The following USF3 variants were observed in gnomAD, a reference collection of about 807,000 sequenced individuals.
USF3 encodes the protein upstream transcription factor family member 3, also known as basic helix-loop-helix domain-containing protein USF3.
Under a neutral mutation model 157.5 loss-of-function variants are expected in USF3, and 29 were observed. The ratio of observed to expected loss-of-function variants is 0.18; its 90% CI spans 0.14 to 0.25. USF3 has a LOEUF of 0.25. Ranked by LOEUF, USF3 falls within the 10% of genes least tolerant of loss-of-function variation. The pLI is 1.00. For missense variants in USF3, 2,381 were observed against 2,667.6 expected, an observed-to-expected ratio of 0.89 and a Z score of 2.37; for synonymous variants, 893 against 941.4, an observed-to-expected ratio of 0.95 and a Z score of 0.94.
In USF3 at chr3:113,649,378, C is replaced by T. The variant is rs1288304663; in HGVS notation, c.*5566G>A. ...AAGTTGGCTCACGTTTATGAAGCAT[C>T]TGACCACATACGCGTGCCAGAAAAA... is the stretch of plus-strand genomic sequence containing the variant. On this transcript the variant is annotated 3_prime_UTR_variant, in exon 7 of 7. Coordinates refer to ENST00000316407, the MANE Select transcript of USF3 (RefSeq NM_001009899.4). 1 of 155,052 alleles carries T rather than the reference C, an allele frequency of 6.4e-6. No individual in the cohort carries two copies. The highest frequency in any genetic ancestry group is 2.4e-5 in the African/African-American group (1 of 41,558). 9.6% of individuals were successfully genotyped at this position (155,052 alleles called of 1,614,324 possible).
Position 113,656,550 on chromosome 3 carries a change from C to T in USF3, c.5132G>A (p.Ser1711Asn). ...RSYLDVPRNK[S>N]LAIHNMQGRV... ...ACCCTGCATATTATGAATAGCCAAA[C>T]TCTTATTTCTGGGAACATCAAGATA... is the stretch of plus-strand genomic sequence containing the variant. Residue 1711 changes from serine (S) to asparagine (N), a missense_variant, in exon 7 of 7, where the codon AGT becomes AAT. This residue lies in a region of USF3 where 770 missense variants were observed against 824.2 expected (regional missense o/e 0.93). Transcript: ENST00000316407. 2 of 1,614,204 alleles carry T rather than the reference C, an allele frequency of 1.2e-6. No individual in the cohort carries two copies. Among genetic ancestry groups the T allele is most frequent in the East Asian group, 2.2e-5 (1 of 44,886 alleles).
chr3:113,658,385 T>G lies in USF3; in HGVS notation c.3297A>C (p.Ser1099=). 1 of 1,614,170 alleles carries G rather than the reference T, an allele frequency of 6.2e-7. No individual in the cohort carries two copies. The highest frequency in any genetic ancestry group is 1.1e-5 in the South Asian group (1 of 91,084). ...STSSGSSRSF[S]VASMLPETTR... ...TTGTTTCAGGAAGCATGGATGCAACTGAGAAACTACGACTACTGCCAGAGC... is the reference window on the plus strand; with the variant it reads ...TTGTTTCAGGAAGCATGGATGCAACGGAGAAACTACGACTACTGCCAGAGC... Residue 1099 remains serine, a synonymous_variant, in exon 7 of 7, where the codon TCA becomes TCC. Transcript: ENST00000316407.
At chr3:113,694,775 C>A (rs1396781240) in intron 1 of USF3, among the ~76,000 whole-genome samples, 2 of 152,208 alleles carry the variant, frequency 1.3e-5, no homozygotes, top group African/African-American at 4.8e-5. Flanking sequence ...CCGGGCGCAG[C>A]GGCTCATGCC....
At chr3:113,689,889 T>C (rs1279440840) in intron 1 of USF3, among the ~76,000 whole-genome samples, 1 of 152,234 alleles carries the variant, frequency 6.6e-6, no homozygotes, top group African/African-American at 2.4e-5. Context: ...CATGAACGCT[T>C]TTCTTTCTCC....
chr3:113,695,137 G>T (rs775213076), intron 1 of USF3, among the ~76,000 whole-genome samples: 10 of 152,218 alleles, frequency 6.6e-5, no homozygotes, highest in Non-Finnish European at 1.2e-4. Flanking sequence ...GCTTGGCTTA[G>T]GCTAAAGCAA....
At position 113,660,308 on chromosome 3, in the gene USF3, T is replaced by C. The variant is rs769425998; in HGVS notation, c.1374A>G (p.Leu458=). ...QTPSSAVTPV[L]NESGTSPTTS... is the part of the protein sequence containing the mutation. ...TGGTGGGGCTAGTACCAGACTCATT[T>C]AATACTGGAGTCACAGCAGAAGATG... is the stretch of plus-strand genomic sequence containing the variant. Residue 458 remains leucine (L), a synonymous_variant, in exon 7 of 7, where the codon TTA becomes TTG. Transcript: ENST00000316407. 3.7e-6 allele frequency: 6 copies of C among 1,614,218 alleles called. No homozygotes were observed. Among genetic ancestry groups the C allele is most frequent in the Non-Finnish European group, 5.1e-6 (6 of 1,180,030 alleles).
Position 113,660,446 on chromosome 3 carries a change from T to C in USF3, c.1236A>G (p.Ser412=). The change falls in exon 7 of 7, where the codon TCA becomes TCG. Residue 412 remains serine (S), a synonymous_variant. Coordinates refer to ENST00000316407, the MANE Select transcript of USF3 (RefSeq NM_001009899.4). Reference sequence around the variant, plus strand: ...TAAGGCTATTAATGTTTTTCAAATCTGAAGTACTAACACTTGAAGAAGGCA... The same window carrying C: ...TAAGGCTATTAATGTTTTTCAAATCCGAAGTACTAACACTTGAAGAAGGCA... The part of the protein sequence containing the change: ...CSLPSSSVST[S]DLKNINSLTR... 6 of 1,614,204 alleles carry C rather than the reference T, an allele frequency of 3.7e-6. No individual in the cohort carries two copies. The highest frequency in any genetic ancestry group is 5.1e-6 in the Non-Finnish European group (6 of 1,180,036).
At chr3:113,693,324 G>GAGGC (rs1389657363) in intron 1 of USF3, among the ~76,000 whole-genome samples, 1 of 152,168 alleles carries the variant, frequency 6.6e-6, no homozygotes, top group Non-Finnish European at 1.5e-5. Context: ...GCTCAACATG[G>GAGGC]AGGCCCTGGT....
chr3:113,687,708 A>G (rs1707589116), intron 1 of USF3, among the ~76,000 whole-genome samples: 1 of 152,090 alleles, frequency 6.6e-6, no homozygotes, highest in Admixed American at 6.5e-5. Flanking sequence ...AATTTCCTCA[A>G]CTCTAATAAC....
At chr3:113,663,460 G>A (rs754721774) in intron 6 of USF3, among the ~76,000 whole-genome samples, 1 of 152,166 alleles carries the variant, frequency 6.6e-6, no homozygotes, top group Non-Finnish European at 1.5e-5. Context: ...TAGGTGAGGG[G>A]GGGAAGCTGC....
Position 113,693,637 on chromosome 3 carries a change from A to T in USF3, c.-135+2733T>A, listed in dbSNP as rs141865634. Among the ~76,000 whole-genome samples, 580 of 152,322 alleles carry T rather than the reference A, an allele frequency of 3.8e-3. 4 individuals carry two copies. Among genetic ancestry groups the T allele is most frequent in the Non-Finnish European group, 6.6e-3 (446 of 68,020 alleles). ...CTGTGAAAGAGATGAAAAATAAAAT[A>T]TTCCTTAGCATAACATTTGAGAACA... On this transcript the variant is annotated intron_variant, in intron 1 of 6. Transcript: ENST00000316407.
At chr3:113,695,930 C>G (rs1335385976) in intron 1 of USF3, among the ~76,000 whole-genome samples, 1 of 152,204 alleles carries the variant, frequency 6.6e-6, no homozygotes, top group African/African-American at 2.4e-5. Context: ...ATGAGTCTGA[C>G]GAACGGGTAC....
At chr3:113,681,724 ATTT>A (rs1204782097) in intron 1 of USF3, among the ~76,000 whole-genome samples, 1 of 143,934 alleles carries the variant, frequency 6.9e-6, no homozygotes. Flanking sequence ...TAAAAAAAAA[ATTT>A]TTTTTTTTTT....
chr3:113,661,127 T>C lies in USF3; in HGVS notation c.555A>G (p.Pro185=), dbSNP rs1175539165. 1.9e-6 allele frequency: 3 copies of C among 1,614,190 alleles called. No individual in the cohort carries two copies. The highest frequency in any genetic ancestry group is 2.5e-6 in the Non-Finnish European group (3 of 1,180,000). ...TCACAAGATTGCAAGTCCTCTGTAC[T>C]GGCACCACATTGGCGGTCTGCTTTT... ...NLQKQTANVV[P]VQRTCNLVTP... is the part of the protein sequence containing the mutation. The change falls in exon 7 of 7, where the codon CCA becomes CCG. Residue 185 remains proline, a synonymous_variant. Transcript: ENST00000316407.
At chr3:113,677,684 G>A (rs1383585358) in intron 1 of USF3, among the ~76,000 whole-genome samples, 1 of 152,126 alleles carries the variant, frequency 6.6e-6, no homozygotes, top group Non-Finnish European at 1.5e-5. Context: ...TTGTACCTTA[G>A]GTCCTCACTA....
At position 113,656,362 on chromosome 3, in the gene USF3, C is replaced by T. The variant is rs1418509564; in HGVS notation, c.5320G>A (p.Ala1774Thr). ...CCAGTGTTTTGACTAATTCGAAAAG[C>T]CTGGGACTGCATACTCCGCAATGAT... is the stretch of plus-strand genomic sequence containing the variant. The part of the protein sequence containing the change: ...VSSLRSMQSQ[A>T]FRISQNTGPP... The change falls in exon 7 of 7, where the codon GCT becomes ACT. Residue 1774 changes from alanine (A) to threonine (T), a missense_variant. Ala to Thr is a moderately conservative substitution (Grantham distance 58, BLOSUM62 0). This residue lies in a region of USF3 where 770 missense variants were observed against 824.2 expected (regional missense o/e 0.93). Coordinates refer to ENST00000316407, the MANE Select transcript of USF3 (RefSeq NM_001009899.4). 9 of 1,613,994 alleles carry T rather than the reference C, an allele frequency of 5.6e-6. No individual in the cohort carries two copies. In the East Asian group the frequency reaches 1.6e-4, roughly 28 times the overall value.
intron 1 of USF3, among the ~76,000 whole-genome samples, chr3:113,688,943 A>G (rs1304742255): frequency 6.6e-6 from 1 of 152,166 alleles, no homozygotes; most frequent in Non-Finnish European, 1.5e-5. Flanking sequence ...AGGCCGGAGA[A>G]TGGTATGAAC....
intron 5 of USF3, among the ~76,000 whole-genome samples, chr3:113,668,242 A>G (rs1559715720): frequency 6.6e-6 from 1 of 152,124 alleles, no homozygotes; most frequent in Non-Finnish European, 1.5e-5. Context: ...TTTCAACCTC[A>G]GGGATACTTG....
In USF3 at chr3:113,680,052, T is replaced by G. The variant is rs957917274; in HGVS notation, c.-134-2655A>C. 2.1e-5 allele frequency among the ~76,000 whole-genome samples: 3 copies of G among 143,120 alleles called. No individual in the cohort carries two copies. The South Asian group carries it at 6.7e-4, about 32-fold the overall frequency. 93.9% of individuals were successfully genotyped at this position (143,120 alleles called of 152,430 possible). A position where few individuals can be genotyped will look rare whatever the true frequency, so the allele number is the denominator to read the frequency against. On this transcript the variant is annotated intron_variant, in intron 1 of 6. Coordinates refer to ENST00000316407, the MANE Select transcript of USF3 (RefSeq NM_001009899.4). Reference sequence around the variant, plus strand: ...CACCACAGATATTGGCCTGTAGTTTTCTTTTTTTTTTTTTTTTTTTTTTTT... The same window carrying G: ...CACCACAGATATTGGCCTGTAGTTTGCTTTTTTTTTTTTTTTTTTTTTTTT...
Sources: allele counts gnomAD v4.1 joint callset (sites outside exome capture counted in the v4.1 genomes callset), GRCh38; gene constraint gnomAD v4.1.1; regional missense constraint gnomAD v4.1.1; transcripts MANE v1.5; gene names NCBI Gene and HGNC (gene_info 2026-07-23, HGNC 2026-07-21).